TMPRSS5: variants seen among roughly 807,000 people sequenced by gnomAD.
TMPRSS5 encodes transmembrane serine protease 5.
TMPRSS5 carries 45 observed loss-of-function variants against 59.7 expected under a neutral mutation model. The observed-to-expected ratio is 0.75, with a 90% CI of 0.59 to 0.97. TMPRSS5 has a LOEUF of 0.97. Ranked by LOEUF, TMPRSS5 falls within the 50% of genes least tolerant of loss-of-function variation. The pLI is 0.00. For missense variants in TMPRSS5, 585 were observed against 596.7 expected (o/e 0.98, Z 0.20); for synonymous variants, 225 against 232.0 (o/e 0.97, Z 0.27).
intron 1 of TMPRSS5, among the ~76,000 whole-genome samples, chr11:113,701,869 G>T (rs1591391266): frequency 6.6e-6 from 1 of 151,956 alleles, no homozygotes; most frequent in African/African-American, 2.4e-5. Context: ...ATGTGCCGTG[G>T]TGGTTTGCTG....
intron 3 of TMPRSS5, among the ~76,000 whole-genome samples, chr11:113,699,276 T>A (rs1484852059): frequency 1.1e-5 from 1 of 92,966 alleles, no homozygotes; most frequent in Non-Finnish European, 2.2e-5. Flanking sequence ...TCTCTCCCTC[T>A]CTCTCTCTCT....
At chr11:113,699,154 C>A in intron 3 of TMPRSS5, 127 bp from the exon 4 acceptor site, 1 of 958,100 alleles carries the variant, frequency 1.0e-6, no homozygotes, top group South Asian at 1.7e-5. Flanking sequence ...GCATAGCGCT[C>A]CATCTCTCTC....
chr11:113,691,882 C>CTTTTTATTT (rs1335395772), intron 9 of TMPRSS5, among the ~76,000 whole-genome samples: 1 of 70,760 alleles, frequency 1.4e-5, no homozygotes, highest in South Asian at 4.6e-4. Context: ...GTTTTCTTTT[C>CTTTTTATTT]CTTTTTTTTC....
Position 113,706,220 on chromosome 11 carries a change from A to AC in TMPRSS5, c.3+1dup, listed in dbSNP as rs1953288953. On this transcript the variant is annotated splice_donor_variant, in intron 1 of 12. Coordinates refer to ENST00000299882, the MANE Select transcript of TMPRSS5 (RefSeq NM_030770.4). LOFTEE classifies it high-confidence loss of function. ...AGGGATGGCACAGAGACGTAACCTT[A>AC]CCATAGGGGTCAGTGGCACTGTTGT... The AC allele has an allele frequency of 1.2e-6, 2 of 1,601,684 alleles. No homozygotes were observed. The highest frequency in any genetic ancestry group is 1.7e-6 in the Non-Finnish European group (2 of 1,174,362).
At position 113,699,272 on chromosome 11, in the gene TMPRSS5, C is replaced by CCTCTCTCTCTCCCT. The variant is rs1565263851; in HGVS notation, c.206-246_206-245insAGGGAGAGAGAGAG. 2.5e-3 allele frequency among the ~76,000 whole-genome samples: 60 copies of CCTCTCTCTCTCCCT among 24,074 alleles called. 2 individuals are homozygous for CCTCTCTCTCTCCCT. The highest frequency in any genetic ancestry group is 0.01 in the African/African-American group (52 of 4,990). The allele number at this position is 24,074 out of a possible 152,430, so 15.8% of individuals were successfully genotyped here. ...CTCTCTCTCTCTCTCTCTCTCTCTCCCTCTCTCTCTCTCTCTCTCTGTCTC... is the reference window on the plus strand; with the variant it reads ...CTCTCTCTCTCTCTCTCTCTCTCTCCCTCTCTCTCTCCCTCTCTCTCTCTCTCTCTCTCTGTCTC... On this transcript the variant is annotated intron_variant, in intron 3 of 12. Coordinates refer to ENST00000299882, the MANE Select transcript of TMPRSS5 (RefSeq NM_030770.4).
chr11:113,698,233 G>A (rs1952984049), intron 4 of TMPRSS5, among the ~76,000 whole-genome samples: 1 of 148,292 alleles, frequency 6.7e-6, no homozygotes, highest in African/African-American at 2.5e-5. Flanking sequence ...CCGGTCTGTG[G>A]TACTTAGTCA....
At chr11:113,699,167 C>T (rs2134813968) in intron 3 of TMPRSS5, 140 bp from the exon 4 acceptor site, 1 of 809,582 alleles carries the variant, frequency 1.2e-6, no homozygotes, top group Non-Finnish European at 1.9e-6. Flanking sequence ...TCTCTCTCGG[C>T]CTCAGCCTCT....
In TMPRSS5 at chr11:113,695,441, T is replaced by C; in HGVS notation, c.581A>G (p.Asn194Ser). The C allele has an allele frequency of 3.1e-6, 5 of 1,613,924 alleles. No individual in the cohort carries two copies. The highest frequency in any genetic ancestry group is 4.2e-6 in the Non-Finnish European group (5 of 1,179,870). Residue 194 changes from asparagine to serine, a missense_variant and splice_region_variant, in exon 7 of 13, where the codon AAC becomes AGC. Coordinates refer to ENST00000299882, the MANE Select transcript of TMPRSS5 (RefSeq NM_030770.4). ...AACAACTTGACCAGAAGTGCAGTTG[T>C]TCCTGCAAAACAGAGGTACCAACAA... ...GFLEEAWQPR[N>S]NCTSGQVVSL...
chr11:113,702,599 G>A (rs994103695), intron 1 of TMPRSS5, among the ~76,000 whole-genome samples: 1 of 152,156 alleles, frequency 6.6e-6, no homozygotes, highest in African/African-American at 2.4e-5. Context: ...ATATCTCCAG[G>A]GCATGTCAGA....
chr11:113,690,193 T>TCCCCCCCC, intron 11 of TMPRSS5, 38 bp downstream of exon 11: 1 of 250,766 alleles, frequency 4.0e-6, no homozygotes, highest in South Asian at 3.9e-5. Context: ...CACCCCCACC[T>TCCCCCCCC]CCACTCCCAC....
intron 5 of TMPRSS5, 108 bp from the exon 6 acceptor site, chr11:113,697,079 T>G: frequency 8.6e-7 from 1 of 1,164,238 alleles, no homozygotes; most frequent in Non-Finnish European, 1.3e-6. Context: ...ACTGCTGGGG[T>G]TTATGCTTGT....
chr11:113,698,318 C>A (rs1567391), intron 4 of TMPRSS5, among the ~76,000 whole-genome samples: 112,444 of 152,164 alleles, frequency 0.74, 42,643 homozygotes, highest in African/African-American at 0.92. Context: ...TATCCTTAAA[C>A]AATTTGTGCA....
chr11:113,694,308 T>A (rs1952864998), intron 8 of TMPRSS5, 170 bp downstream of exon 8: 1 of 536,486 alleles, frequency 1.9e-6, no homozygotes, highest in Admixed American at 3.4e-5. Context: ...CTGTTATTTG[T>A]GCAGATCTGT....
chr11:113,696,017 AC>A (rs1264492116), intron 6 of TMPRSS5, among the ~76,000 whole-genome samples: 1 of 151,894 alleles, frequency 6.6e-6, no homozygotes, highest in Admixed American at 6.6e-5. Context: ...CAATGTCTAG[AC>A]CCTCTTAGTT....
Position 113,690,449 on chromosome 11 carries a change from T to C in TMPRSS5, c.1064-76A>G, listed in dbSNP as rs556839793. On this transcript the variant is annotated intron_variant, in intron 10 of 12. Coordinates refer to ENST00000299882, the MANE Select transcript of TMPRSS5 (RefSeq NM_030770.4). ...GGCAGAGCAGCAAGAGGGGAGGTAA[T>C]TCGAAGTCCCAGAGACAGGGAGACC... is the stretch of plus-strand genomic sequence containing the variant. The C allele has an allele frequency of 3.9e-6, 6 of 1,523,498 alleles. No individual in the cohort carries two copies. In the East Asian group the frequency reaches 7.3e-5, roughly 18 times the overall value. 94.4% of individuals were successfully genotyped at this position (1,523,498 alleles called of 1,614,324 possible).
In TMPRSS5 at chr11:113,690,534, G is replaced by A. The variant is rs11607591; in HGVS notation, c.1064-161C>T. Among the ~76,000 whole-genome samples, 23,953 of 151,932 alleles carry A rather than the reference G, an allele frequency of 0.16. 1,976 individuals are homozygous for A. Among genetic ancestry groups the A allele is most frequent in the South Asian group, 0.19 (908 of 4,816 alleles). ...CTGAGCAAGGAAGCAGTAGGCTATC[G>A]GACTTGGGGGCTGGGAGTGGGAAGA... On this transcript the variant is annotated intron_variant, in intron 10 of 12. Coordinates refer to ENST00000299882, the MANE Select transcript of TMPRSS5 (RefSeq NM_030770.4).
At chr11:113,688,813 G>A (rs1387252206) in intron 12 of TMPRSS5, among the ~76,000 whole-genome samples, 9 of 151,998 alleles carry the variant, frequency 5.9e-5, no homozygotes, top group Non-Finnish European at 1.2e-4. Flanking sequence ...CGCCCACCTC[G>A]GCCGCCCAAA....
At chr11:113,699,771 G>A in intron 2 of TMPRSS5, 78 bp from the exon 3 acceptor site, 2 of 1,452,818 alleles carry the variant, frequency 1.4e-6, no homozygotes, top group Non-Finnish European at 1.9e-6. Flanking sequence ...TCACCACTAT[G>A]GGGCTAGGCA....
rs1952663904 is a variant in TMPRSS5, at chr11:113,688,356, C to T, written c.1360-82G>A. ...CTTTTATTTTAGTAAATCACTTAAC[C>T]ATGCAGGGCCTTGATTTTCACTTCT... On this transcript the variant is annotated intron_variant, in intron 12 of 12. Transcript: ENST00000299882. The T allele has an allele frequency of 4.3e-6, 4 of 924,656 alleles. No homozygotes were observed. In the Admixed American group the frequency reaches 6.7e-5, roughly 16 times the overall value. 57.3% of individuals were successfully genotyped at this position (924,656 alleles called of 1,614,324 possible). A position where few individuals can be genotyped will look rare whatever the true frequency, so the allele number is the denominator to read the frequency against.
Sources: allele counts gnomAD v4.1 joint callset (sites outside exome capture counted in the v4.1 genomes callset), GRCh38; gene constraint gnomAD v4.1.1; transcripts MANE v1.5; gene names NCBI Gene and HGNC (gene_info 2026-07-23, HGNC 2026-07-21).